Variants in PCDHGA2 observed in about 807,000 individuals in gnomAD.
PCDHGA2 encodes the protein protocadherin gamma subfamily A, 2.
Under a neutral mutation model 59.2 loss-of-function variants are expected in PCDHGA2, and 40 were observed. The observed-to-expected ratio is 0.68, with a 90% CI of 0.52 to 0.88. The LOEUF (loss-of-function observed/expected upper bound fraction) is 0.88. Ranked by LOEUF, PCDHGA2 falls within the 40% of genes least tolerant of loss-of-function variation. PCDHGA2 has a pLI of 0.00. For missense variants in PCDHGA2, 1,226 were observed against 1,204.0 expected (o/e 1.02, Z -0.27); for synonymous variants, 560 against 526.0 (o/e 1.06, Z -0.89).
chr5:141,434,254 T>C (rs1440934691), intron 1 of PCDHGA2, among the ~76,000 whole-genome samples: 3 of 152,176 alleles, frequency 2.0e-5, no homozygotes, highest in Admixed American at 6.5e-5. Context: ...TTGGGCATTG[T>C]GGGGGAGGTG....
At chr5:141,382,945 C>T (rs1357779050) in intron 1 of PCDHGA2, 1 of 1,597,008 alleles carries the variant, frequency 6.3e-7, no homozygotes, top group Admixed American at 1.7e-5. Context: ...ATTCTTCCTG[C>T]TCTCCATCCT....
chr5:141,396,326 A>T (rs1198474229), intron 1 of PCDHGA2: 3 of 152,326 alleles, frequency 2.0e-5, no homozygotes, highest in Admixed American at 1.3e-4. Context: ...TCTCTAAAAA[A>T]ACTATTATTA....
chr5:141,420,993 C>T (rs956578377), intron 1 of PCDHGA2: 2 of 501,412 alleles, frequency 4.0e-6, no homozygotes, highest in Non-Finnish European at 7.0e-6. Context: ...GGCGCCGCTG[C>T]TCACCAATCA....
At chr5:141,375,150 T>C in intron 1 of PCDHGA2, 3 of 1,613,946 alleles carry the variant, frequency 1.9e-6, no homozygotes, top group Non-Finnish European at 2.5e-6. Flanking sequence ...AGCAGAACAA[T>C]TGCTGAAAGT....
chr5:141,463,990 G>C (rs2099073582), intron 1 of PCDHGA2, among the ~76,000 whole-genome samples: 1 of 151,990 alleles, frequency 6.6e-6, no homozygotes, highest in Admixed American at 6.6e-5. Context: ...TAAAAACCAG[G>C]TGCAGTGGCT....
At chr5:141,465,945 AC>A (rs761290693) in intron 1 of PCDHGA2, among the ~76,000 whole-genome samples, 7 of 151,958 alleles carry the variant, frequency 4.6e-5, no homozygotes, top group Non-Finnish European at 5.9e-5. Context: ...ACATGGTGAA[AC>A]CCCATCTCTA....
intron 1 of PCDHGA2, chr5:141,427,749 A>G (rs770208196): frequency 4.6e-6 from 6 of 1,299,142 alleles, no homozygotes; most frequent in South Asian, 2.4e-5. Context: ...CTCCTACTCC[A>G]TCGTTACCAC....
rs2099701571 is a variant in PCDHGA2, at chr5:141,490,550, A to G, written c.2425-4257A>G. On this transcript the variant is annotated intron_variant, in intron 1 of 3. Coordinates refer to ENST00000394576, the MANE Select transcript of PCDHGA2 (RefSeq NM_018915.4). This position sits in a 1 kb window ranked among gnomAD's most constrained non-coding sequence, Gnocchi z 5.4. ...GCTGGTTCACCTTCCCTACACAAACATCTCACCATCAGGCTCAACATTTCA... is the reference window on the plus strand; with the variant it reads ...GCTGGTTCACCTTCCCTACACAAACGTCTCACCATCAGGCTCAACATTTCA... 1 of 1,614,092 alleles carries G rather than the reference A, an allele frequency of 6.2e-7. No individual in the cohort carries two copies.
At chr5:141,459,874 A>G (rs922438277) in intron 1 of PCDHGA2, among the ~76,000 whole-genome samples, 10 of 152,156 alleles carry the variant, frequency 6.6e-5, no homozygotes, top group African/African-American at 2.4e-4. Flanking sequence ...TTCATCTTTA[A>G]CTGAGCTGAA....
At chr5:141,423,033 C>A (rs2096701827) in intron 1 of PCDHGA2, 2 of 1,614,102 alleles carry the variant, frequency 1.2e-6, no homozygotes, top group Non-Finnish European at 1.7e-6. Flanking sequence ...CAGGCCAGAA[C>A]GCCTGGCTGT....
In PCDHGA2 at chr5:141,339,411, C is replaced by T. The variant is rs199543217; in HGVS notation, c.440C>T (p.Thr147Met). ...GAGCTAAAAATCAGTGAAACCACTA[C>T]GCCAGGATTCCGGATTCCTCTTAAG... ...ELELKISETT[T>M]PGFRIPLKNA... The change falls in exon 1 of 4, where the codon ACG (threonine) becomes ATG (methionine). Residue 147 changes from threonine to methionine, a missense_variant. Physicochemically the swap from Thr to Met is moderately conservative, Grantham distance 81. Coordinates refer to ENST00000394576, the MANE Select transcript of PCDHGA2 (RefSeq NM_018915.4). 1.9e-6 allele frequency: 3 copies of T among 1,614,222 alleles called. No individual in the cohort carries two copies. The highest frequency in any genetic ancestry group is 1.7e-6 in the Non-Finnish European group (2 of 1,180,034).
chr5:141,421,795 GC>G, intron 1 of PCDHGA2: 1 of 1,613,818 alleles, frequency 6.2e-7, no homozygotes, highest in East Asian at 2.2e-5. Context: ...AACGGATGGG[GC>G]CAAGAATCCA....
intron 1 of PCDHGA2, chr5:141,357,111 G>C: frequency 6.2e-7 from 1 of 1,613,840 alleles, no homozygotes; most frequent in Admixed American, 1.7e-5. Context: ...ACAGAGACGC[G>C]CTCAAGCAGA....
chr5:141,465,781 T>G (rs2099109506), intron 1 of PCDHGA2, among the ~76,000 whole-genome samples: 1 of 150,278 alleles, frequency 6.7e-6, no homozygotes, highest in Non-Finnish European at 1.5e-5. Context: ...TTGTTACAGT[T>G]TTTTTTTTTT....
At chr5:141,341,648 T>G in intron 1 of PCDHGA2, 1 of 707,650 alleles carries the variant, frequency 1.4e-6, no homozygotes, top group Non-Finnish European at 2.3e-6. Flanking sequence ...AGCACTGCAT[T>G]AGGAACTAGG....
At position 141,493,332 on chromosome 5, in the gene PCDHGA2, C is replaced by T. The variant is rs2099747680; in HGVS notation, c.2425-1475C>T. 6.6e-6 allele frequency among the ~76,000 whole-genome samples: 1 copy of T among 152,210 alleles called. No homozygotes were observed. The highest frequency in any genetic ancestry group is 1.5e-5 in the Non-Finnish European group (1 of 68,036). Reference sequence around the variant, plus strand: ...AAGAGAGATTCTAACCCCTGTCTAACTCCAGAATGTGTGCTTTTAATTTCT... The same window carrying T: ...AAGAGAGATTCTAACCCCTGTCTAATTCCAGAATGTGTGCTTTTAATTTCT... On this transcript the variant is annotated intron_variant, in intron 1 of 3. Transcript: ENST00000394576. This position sits in a 1 kb window ranked among gnomAD's most constrained non-coding sequence, Gnocchi z 4.3.
At chr5:141,437,999 C>T (rs1230507077) in intron 1 of PCDHGA2, among the ~76,000 whole-genome samples, 1 of 152,062 alleles carries the variant, frequency 6.6e-6, no homozygotes, top group African/African-American at 2.4e-5. Flanking sequence ...CCTCAGCCTC[C>T]CAAATAGCTG....
chr5:141,375,417 C>T, intron 1 of PCDHGA2: 3 of 1,613,976 alleles, frequency 1.9e-6, no homozygotes, highest in Non-Finnish European at 2.5e-6. Context: ...GTGGCAGACA[C>T]CAACGACAAC....
chr5:141,368,346 CACACACATATATAT>C (rs1161760512), intron 1 of PCDHGA2, among the ~76,000 whole-genome samples: 26 of 152,176 alleles, frequency 1.7e-4, no homozygotes, highest in South Asian at 1.4e-3. Context: ...TATACATATA[CACACACATATATAT>C]ACACACATAT....
Sources: gnomAD v4.1 joint callset for allele counts (sites outside exome capture counted in the v4.1 genomes callset) on GRCh38, gnomAD v4.1.1 for gene constraint, Gnocchi (gnomAD v3.1) non-coding constraint, MANE v1.5 for transcripts, NCBI Gene and HGNC (gene_info 2026-07-23, HGNC 2026-07-21) for gene names.